The following RPS6KC1 variants were observed in gnomAD, a reference collection of about 807,000 sequenced individuals.
RPS6KC1 encodes ribosomal protein S6 kinase C1.
A neutral mutation model predicts 103.8 loss-of-function variants in RPS6KC1; 54 were observed. The ratio of observed to expected loss-of-function variants is 0.52; its 90% CI spans 0.42 to 0.65. The LOEUF is 0.65. RPS6KC1 is among the 30% of genes least tolerant of loss of function. The pLI, the probability that RPS6KC1 is intolerant of heterozygous loss-of-function variation, is 0.00. For missense variants in RPS6KC1, 1,151 were observed against 1,253.8 expected (o/e 0.92, Z 1.24); for synonymous variants, 439 against 438.7 (o/e 1.00, Z -0.01).
intron 3 of RPS6KC1, among the ~76,000 whole-genome samples, chr1:213,093,630 G>T (rs991970977): frequency 8.5e-5 from 13 of 152,108 alleles, no homozygotes; most frequent in African/African-American, 3.1e-4. Context: ...GGTATGGTGA[G>T]AAGTACTTAT....
chr1:213,367,993 C>T, the RPS6KC1 span, among the ~76,000 whole-genome samples: 4 of 152,190 alleles, frequency 2.6e-5, no homozygotes, highest in Admixed American at 2.0e-4. Context: ...GTCTCTTAAT[C>T]TGTGAGAGGC....
intron 6 of RPS6KC1, among the ~76,000 whole-genome samples, chr1:213,163,728 A>T (rs1465555255): frequency 6.6e-6 from 1 of 152,028 alleles, no homozygotes; most frequent in Non-Finnish European, 1.5e-5. Flanking sequence ...ATCCAAATAC[A>T]TATTTGGGTA....
At chr1:213,572,454 AG>A in the RPS6KC1 span, among the ~76,000 whole-genome samples, 1 of 152,240 alleles carries the variant, frequency 6.6e-6, no homozygotes. Flanking sequence ...TTTGATAAAA[AG>A]ATGGTCCTTC....
intron 6 of RPS6KC1, among the ~76,000 whole-genome samples, chr1:213,139,961 C>G (rs978695844): frequency 6.6e-6 from 1 of 151,902 alleles, no homozygotes; most frequent in African/African-American, 2.4e-5. Context: ...AATACTGACT[C>G]TTTTATCCAT....
At chr1:213,450,471 T>C in the RPS6KC1 span, among the ~76,000 whole-genome samples, 7 of 152,170 alleles carry the variant, frequency 4.6e-5, no homozygotes, top group Non-Finnish European at 8.8e-5. Flanking sequence ...TACTCTTAGC[T>C]GCACCAACCT....
At chr1:213,176,976 G>C (rs1251762111) in intron 8 of RPS6KC1, among the ~76,000 whole-genome samples, 1 of 152,126 alleles carries the variant, frequency 6.6e-6, no homozygotes, top group Middle Eastern at 3.2e-3. Flanking sequence ...GTGATGTTTA[G>C]AGCAGATTAA....
At chr1:213,117,829 C>G (rs1016580548) in intron 5 of RPS6KC1, among the ~76,000 whole-genome samples, 4 of 151,292 alleles carry the variant, frequency 2.6e-5, no homozygotes, top group Non-Finnish European at 5.9e-5. Flanking sequence ...TTGAGACCAG[C>G]CGAGCCAACG....
chr1:213,633,117 A>G, the RPS6KC1 span, among the ~76,000 whole-genome samples: 119 of 152,310 alleles, frequency 7.8e-4, no homozygotes, highest in East Asian at 0.02. Flanking sequence ...AAGTTGGAAA[A>G]CACTCTTGAG....
the RPS6KC1 span, among the ~76,000 whole-genome samples, chr1:213,557,162 C>T: frequency 6.6e-6 from 1 of 152,200 alleles, no homozygotes; most frequent in Non-Finnish European, 1.5e-5. Context: ...CCTCTTCTGA[C>T]TGTGCTTCTC....
chr1:213,187,506 A>T (rs1266753642), intron 8 of RPS6KC1, among the ~76,000 whole-genome samples: 1 of 151,748 alleles, frequency 6.6e-6, no homozygotes, highest in East Asian at 1.9e-4. Context: ...TCGGCCTCCC[A>T]CAGTGTTAGA....
At chr1:213,536,102 A>G in the RPS6KC1 span, among the ~76,000 whole-genome samples, 1 of 152,242 alleles carries the variant, frequency 6.6e-6, no homozygotes, top group East Asian at 1.9e-4. Flanking sequence ...CTAGAGGCAT[A>G]TGTACGATGA....
At chr1:213,341,396 G>T in the RPS6KC1 span, among the ~76,000 whole-genome samples, 1 of 152,144 alleles carries the variant, frequency 6.6e-6, no homozygotes, top group African/African-American at 2.4e-5. Context: ...AAATTCCCAG[G>T]CAACAGGTAG....
At chr1:213,783,631 G>C in the RPS6KC1 span, among the ~76,000 whole-genome samples, 2 of 150,610 alleles carry the variant, frequency 1.3e-5, no homozygotes, top group African/African-American at 4.9e-5. Flanking sequence ...TTGATTTACT[G>C]TTGTCGTCTT....
At chr1:213,196,823 G>A (rs1034766982) in intron 8 of RPS6KC1, among the ~76,000 whole-genome samples, 6 of 151,786 alleles carry the variant, frequency 4.0e-5, no homozygotes, top group African/African-American at 1.2e-4. Context: ...AGTTCCATTG[G>A]TCTACATGCC....
chr1:213,802,242 G>A, the RPS6KC1 span, among the ~76,000 whole-genome samples: 1 of 152,168 alleles, frequency 6.6e-6, no homozygotes, highest in Non-Finnish European at 1.5e-5. Context: ...GAAGGGTCAA[G>A]GAAACACACT....
At chr1:213,500,500 A>G in the RPS6KC1 span, among the ~76,000 whole-genome samples, 1 of 152,370 alleles carries the variant, frequency 6.6e-6, no homozygotes, top group East Asian at 1.9e-4. Flanking sequence ...AGGACAGTAA[A>G]TAAACAAGTA....
chr1:213,837,823 TAAAC>T, the RPS6KC1 span, among the ~76,000 whole-genome samples: 1 of 152,226 alleles, frequency 6.6e-6, no homozygotes, highest in African/African-American at 2.4e-5. Flanking sequence ...TATATTTTGT[TAAAC>T]AAGCTATGCC....
the RPS6KC1 span, among the ~76,000 whole-genome samples, chr1:213,495,844 T>G: frequency 6.6e-6 from 1 of 152,242 alleles, no homozygotes; most frequent in African/African-American, 2.4e-5. Flanking sequence ...TACAAATGTC[T>G]TATTCTTAAA....
At chr1:213,785,932 A>C in the RPS6KC1 span, among the ~76,000 whole-genome samples, 1 of 152,176 alleles carries the variant, frequency 6.6e-6, no homozygotes, top group African/African-American at 2.4e-5. Context: ...GGAGGGAATA[A>C]AACTATTTCC....
Sources: allele counts gnomAD v4.1 joint callset (sites outside exome capture counted in the v4.1 genomes callset), GRCh38; gene constraint gnomAD v4.1.1; transcripts MANE v1.5; gene names NCBI Gene and HGNC (gene_info 2026-07-23, HGNC 2026-07-21).